Variants in ELAPOR2 observed in about 807,000 individuals in gnomAD.
The protein encoded by ELAPOR2 is endosome/lysosome-associated apoptosis and autophagy regulator family member 2.
In ELAPOR2, 89 loss-of-function variants were observed where a neutral mutation model predicts 120.7. That is an observed-to-expected ratio of 0.74 (90% CI 0.62 to 0.88). ELAPOR2 has a LOEUF of 0.88. ELAPOR2 is among the 40% of genes least tolerant of loss of function. The pLI, the probability that ELAPOR2 is intolerant of heterozygous loss-of-function variation, is 0.00. For missense variants in ELAPOR2, 1,134 were observed against 1,251.6 expected (o/e 0.91, Z 1.42); for synonymous variants, 444 against 444.9 (o/e 1.00, Z 0.03).
intron 19 of ELAPOR2, among the ~76,000 whole-genome samples, chr7:86,896,991 AAATAAAATATCTATC>A (rs1485360160): frequency 6.6e-6 from 1 of 152,084 alleles, no homozygotes; most frequent in East Asian, 1.9e-4. Context: ...ATTATATAAA[AAATAAAATATCTATC>A]AATAAATATG....
intron 18 of ELAPOR2, among the ~76,000 whole-genome samples, chr7:86,898,205 G>A (rs995297999): frequency 4.6e-5 from 7 of 152,062 alleles, no homozygotes; most frequent in Admixed American, 1.3e-4. Flanking sequence ...GAAGAACCTC[G>A]AAAATATTAT....
At chr7:87,047,967 T>G (rs938026685) in intron 1 of ELAPOR2, among the ~76,000 whole-genome samples, 1 of 152,174 alleles carries the variant, frequency 6.6e-6, no homozygotes, top group Non-Finnish European at 1.5e-5. Context: ...GTGGTACGGC[T>G]GGGTGCGGTG....
intron 1 of ELAPOR2, among the ~76,000 whole-genome samples, chr7:87,028,657 A>G (rs187105240): frequency 5.3e-4 from 80 of 152,248 alleles, no homozygotes; most frequent in Admixed American, 3.0e-3. Context: ...CTTTGTTGTT[A>G]CCCACATCTC....
intron 1 of ELAPOR2, among the ~76,000 whole-genome samples, chr7:87,041,654 A>G (rs1794791336): frequency 6.6e-6 from 1 of 152,152 alleles, no homozygotes; most frequent in Non-Finnish European, 1.5e-5. Context: ...CCGCTGCAAA[A>G]TCATGCCAAA....
chr7:86,914,627 C>A, intron 13 of ELAPOR2, 96 bp downstream of exon 13: 1 of 1,021,344 alleles, frequency 9.8e-7, no homozygotes. Context: ...AAAAGCAGTC[C>A]TTTCTTCCAA....
chr7:87,016,597 T>C (rs1346679493), intron 1 of ELAPOR2, among the ~76,000 whole-genome samples: 1 of 151,256 alleles, frequency 6.6e-6, no homozygotes, highest in Non-Finnish European at 1.5e-5. Context: ...TTATCAATGA[T>C]GTAAGAACTG....
At chr7:87,056,318 A>G (rs1289601468) in intron 1 of ELAPOR2, among the ~76,000 whole-genome samples, 2 of 152,226 alleles carry the variant, frequency 1.3e-5, no homozygotes, top group African/African-American at 4.8e-5. Flanking sequence ...ATAACATTTT[A>G]TAAGTGAAAC....
At chr7:86,984,788 GAACA>G (rs1486852199) in intron 1 of ELAPOR2, among the ~76,000 whole-genome samples, 2 of 152,040 alleles carry the variant, frequency 1.3e-5, no homozygotes, top group South Asian at 2.1e-4. Context: ...AGAGAAGCAA[GAACA>G]AACACATTCA....
chr7:87,053,003 G>A (rs531051660), intron 1 of ELAPOR2, among the ~76,000 whole-genome samples: 1 of 152,038 alleles, frequency 6.6e-6, no homozygotes, highest in East Asian at 1.9e-4. Flanking sequence ...TTGCTATGTT[G>A]CCCAGGATGG....
intron 1 of ELAPOR2, among the ~76,000 whole-genome samples, chr7:86,976,502 A>G (rs1792288662): frequency 6.6e-6 from 1 of 152,196 alleles, no homozygotes; most frequent in Non-Finnish European, 1.5e-5. Flanking sequence ...ATAAACCACT[A>G]TCTGAACTAA....
At chr7:87,013,836 T>C (rs1793774118) in intron 1 of ELAPOR2, among the ~76,000 whole-genome samples, 1 of 152,210 alleles carries the variant, frequency 6.6e-6, no homozygotes. Flanking sequence ...TAAAATTTAC[T>C]TATCACCACA....
chr7:86,905,789 A>C (rs1437012598), intron 18 of ELAPOR2, among the ~76,000 whole-genome samples: 1 of 152,196 alleles, frequency 6.6e-6, no homozygotes, highest in African/African-American at 2.4e-5. Flanking sequence ...AATTTTTTAA[A>C]TAGATACCCC....
chr7:87,026,043 C>G (rs1562973711), intron 1 of ELAPOR2, among the ~76,000 whole-genome samples: 3 of 152,088 alleles, frequency 2.0e-5, no homozygotes, highest in Non-Finnish European at 4.4e-5. Context: ...AAGACCTACG[C>G]ATATATCTAC....
intron 21 of ELAPOR2, chr7:86,891,288 G>A (rs1302698139): frequency 6.6e-6 from 1 of 152,400 alleles, no homozygotes; most frequent in African/African-American, 2.4e-5. Flanking sequence ...TGCTTTCAAA[G>A]ACTAAACACT....
chr7:86,994,882 A>C (rs1385450601), intron 1 of ELAPOR2, among the ~76,000 whole-genome samples: 1 of 152,156 alleles, frequency 6.6e-6, no homozygotes, highest in African/African-American at 2.4e-5. Flanking sequence ...GATAAGTATC[A>C]ATGTATCTGT....
At chr7:86,953,972 C>T (rs1344423928) in intron 2 of ELAPOR2, among the ~76,000 whole-genome samples, 1 of 152,186 alleles carries the variant, frequency 6.6e-6, no homozygotes, top group Non-Finnish European at 1.5e-5. Context: ...CCTTATGCCT[C>T]TTCTTTTCTG....
chr7:87,007,246 T>C (rs1793513904), intron 1 of ELAPOR2, among the ~76,000 whole-genome samples: 1 of 152,184 alleles, frequency 6.6e-6, no homozygotes, highest in South Asian at 2.1e-4. Context: ...AGGTTTGCTT[T>C]CTGCAGTGGT....
chr7:86,922,032 A>G (rs1341246435), intron 10 of ELAPOR2, among the ~76,000 whole-genome samples: 1 of 152,116 alleles, frequency 6.6e-6, no homozygotes, highest in Admixed American at 6.6e-5. Context: ...CATGTCATCA[A>G]TATAAAAATT....
intron 19 of ELAPOR2, among the ~76,000 whole-genome samples, chr7:86,895,459 G>A (rs1486909877): frequency 6.6e-6 from 1 of 152,012 alleles, no homozygotes; most frequent in Non-Finnish European, 1.5e-5. Flanking sequence ...CATAACAGAA[G>A]GATATATTTA....
Sources: gnomAD v4.1 joint callset for allele counts (sites outside exome capture counted in the v4.1 genomes callset) on GRCh38, gnomAD v4.1.1 for gene constraint, MANE v1.5 for transcripts, NCBI Gene and HGNC (gene_info 2026-07-23, HGNC 2026-07-21) for gene names.